RXFP2: variants seen among roughly 807,000 people sequenced by gnomAD.
The protein encoded by RXFP2 is relaxin receptor 2.
Under a neutral mutation model 88.6 loss-of-function variants are expected in RXFP2, and 68 were observed. The ratio of observed to expected loss-of-function variants is 0.77; its 90% CI spans 0.63 to 0.94. The LOEUF (loss-of-function observed/expected upper bound fraction) is 0.94. Ranked by LOEUF, RXFP2 falls within the 40% of genes least tolerant of loss-of-function variation. The pLI, the probability that RXFP2 is intolerant of heterozygous loss-of-function variation, is 0.00. For missense variants in RXFP2, 791 were observed against 893.9 expected, an observed-to-expected ratio of 0.88 and a Z score of 1.47; for synonymous variants, 329 against 306.8, an observed-to-expected ratio of 1.07 and a Z score of -0.76.
At chr13:31,766,827 A>C (rs144437244) in intron 5 of RXFP2, among the ~76,000 whole-genome samples, 16 of 152,342 alleles carry the variant, frequency 1.1e-4, no homozygotes, top group African/African-American at 3.8e-4. Context: ...ATTCACATTA[A>C]TAAATGGAGA....
In RXFP2 at chr13:31,791,969, A is replaced by G; in HGVS notation, c.1309A>G (p.Ile437Val). ...FITCFGNLFVIGMRSFIKAEN... is the reference protein window; with the variant it reads ...FITCFGNLFVVGMRSFIKAEN... Reference sequence around the variant, plus strand: ...TACCTGCTTTGGAAATCTTTTTGTCATTGGCATGAGATCTTTCATTAAAGC... The same window carrying G: ...TACCTGCTTTGGAAATCTTTTTGTCGTTGGCATGAGATCTTTCATTAAAGC... Residue 437 changes from isoleucine (I) to valine (V), a missense_variant, in exon 15 of 18, where the codon ATT (isoleucine) becomes GTT (valine). Physicochemically the swap from Ile to Val is conservative, Grantham distance 29 (BLOSUM62 3). Transcript: ENST00000298386. The G allele has an allele frequency of 6.2e-7, 1 of 1,614,130 alleles. No individual in the cohort carries two copies. Among genetic ancestry groups the G allele is most frequent in the Non-Finnish European group, 8.5e-7 (1 of 1,179,990 alleles).
intron 4 of RXFP2, 137 bp downstream of exon 4, chr13:31,765,279 C>T: frequency 1.5e-6 from 1 of 657,516 alleles, no homozygotes; most frequent in Non-Finnish European, 2.8e-6. Flanking sequence ...GAGAATTCTC[C>T]ATGCTTCCTA....
At chr13:31,764,951 AAAG>A in intron 3 of RXFP2, 83 bp from the exon 4 acceptor site, 1 of 769,340 alleles carries the variant, frequency 1.3e-6, no homozygotes, top group Admixed American at 1.8e-5. Context: ...CATTCGATGA[AAAG>A]AAAACAATAT....
At chr13:31,793,433 T>C (rs192103269) in intron 16 of RXFP2, among the ~76,000 whole-genome samples, 2 of 145,320 alleles carry the variant, frequency 1.4e-5, no homozygotes, top group African/African-American at 5.0e-5. Flanking sequence ...TTTAAACTCT[T>C]TTTTTTTTTT....
intron 14 of RXFP2, among the ~76,000 whole-genome samples, chr13:31,790,726 G>A (rs1873751628): frequency 6.6e-6 from 1 of 152,222 alleles, no homozygotes; most frequent in South Asian, 2.1e-4. Flanking sequence ...AGGGATAGAA[G>A]GAGGATTGAG....
intron 7 of RXFP2, among the ~76,000 whole-genome samples, chr13:31,776,069 T>TTTCTTTCTTTCTTTCCTTCC (rs1872933595): frequency 1.9e-5 from 2 of 106,914 alleles, no homozygotes; most frequent in African/African-American, 7.8e-5. Context: ...TTCTTCTTTC[T>TTTCTTTCTTTCTTTCCTTCC]TTCTTTCTTT....
In RXFP2 at chr13:31,760,839, A is replaced by T. The variant is rs7329552; in HGVS notation, c.242-885A>T. Among the ~76,000 whole-genome samples, 583 of 152,318 alleles carry T rather than the reference A, an allele frequency of 3.8e-3. 4 individuals are homozygous for T. The highest frequency in any genetic ancestry group is 0.014 in the African/African-American group (570 of 41,576). ...ACTTCACAATTAGGCCTCCTTTTTT[A>T]AAAATATGATTTACCAAAAGGAAGA... is the stretch of plus-strand genomic sequence containing the variant. On this transcript the variant is annotated intron_variant, in intron 2 of 17. Coordinates refer to ENST00000298386, the MANE Select transcript of RXFP2 (RefSeq NM_130806.5).
chr13:31,789,311 G>T, intron 14 of RXFP2, 118 bp downstream of exon 14: 1 of 745,444 alleles, frequency 1.3e-6, no homozygotes, highest in Non-Finnish European at 2.4e-6. Context: ...ATTTTATTGA[G>T]AACTTTTTAA....
chr13:31,755,028 T>C (rs1382963084), intron 1 of RXFP2, among the ~76,000 whole-genome samples: 3 of 152,218 alleles, frequency 2.0e-5, no homozygotes, highest in Non-Finnish European at 2.9e-5. Flanking sequence ...CACCACTTCA[T>C]AAGCATCAGC....
chr13:31,744,035 C>T (rs567837525), intron 1 of RXFP2, among the ~76,000 whole-genome samples: 25 of 152,320 alleles, frequency 1.6e-4, no homozygotes, highest in African/African-American at 5.1e-4. Context: ...CCAGGGGCTT[C>T]CTGGATCTTC....
Position 31,739,805 on chromosome 13 carries a change from A to T in RXFP2, c.94+99A>T, listed in dbSNP as rs550833985. 273 of 658,932 alleles carry T rather than the reference A, an allele frequency of 4.1e-4. 1 individual carries two copies. The highest frequency in any genetic ancestry group is 1.9e-3 in the Middle Eastern group (5 of 2,642). The allele number at this position is 658,932 out of a possible 1,614,324, so 40.8% of individuals were successfully genotyped here. ...TTGTAATAAATATATTGGGGTGTTT[A>T]AAAAAAAAACAGACATCAAATTTGC... is the stretch of plus-strand genomic sequence containing the variant. On this transcript the variant is annotated intron_variant, in intron 1 of 17. Transcript: ENST00000298386.
intron 1 of RXFP2, among the ~76,000 whole-genome samples, chr13:31,744,452 A>C (rs1038961099): frequency 6.6e-6 from 1 of 152,220 alleles, no homozygotes; most frequent in African/African-American, 2.4e-5. Context: ...TTAACTTTCT[A>C]AAATTCTAAA....
intron 1 of RXFP2, among the ~76,000 whole-genome samples, chr13:31,756,421 G>C (rs962851563): frequency 6.6e-6 from 1 of 152,126 alleles, no homozygotes; most frequent in South Asian, 2.1e-4. Context: ...ACTGAAGTTT[G>C]TTCCTTATCC....
At chr13:31,798,252 A>G (rs1238058770) in intron 17 of RXFP2, among the ~76,000 whole-genome samples, 1 of 152,190 alleles carries the variant, frequency 6.6e-6, no homozygotes, top group Non-Finnish European at 1.5e-5. Context: ...CCTCCTGTGC[A>G]CTCAGTTGTG....
chr13:31,750,637 A>C (rs1566213791), intron 1 of RXFP2, among the ~76,000 whole-genome samples: 1 of 152,188 alleles, frequency 6.6e-6, no homozygotes, highest in East Asian at 1.9e-4. Flanking sequence ...AATTTTTAGA[A>C]AATATGGAGG....
chr13:31,758,773 C>T (rs565124492), intron 2 of RXFP2, among the ~76,000 whole-genome samples: 1 of 152,214 alleles, frequency 6.6e-6, no homozygotes, highest in East Asian at 1.9e-4. Context: ...AGTGGCGGCT[C>T]ATGCCTATAA....
intron 9 of RXFP2, among the ~76,000 whole-genome samples, chr13:31,781,453 G>A (rs977831152): frequency 2.0e-5 from 3 of 152,026 alleles, no homozygotes; most frequent in Admixed American, 6.6e-5. Flanking sequence ...AAAGACGCTC[G>A]CTAAAAGTTA....
intron 1 of RXFP2, among the ~76,000 whole-genome samples, chr13:31,740,652 C>A (rs1429019121): frequency 6.6e-6 from 1 of 151,858 alleles, no homozygotes; most frequent in Non-Finnish European, 1.5e-5. Flanking sequence ...AAACTTCTAA[C>A]AAACAAAAGA....
intron 16 of RXFP2, among the ~76,000 whole-genome samples, chr13:31,793,477 T>C (rs1460229338): frequency 6.6e-6 from 1 of 150,914 alleles, no homozygotes; most frequent in African/African-American, 2.4e-5. Flanking sequence ...TAAATAATAA[T>C]AAAACTCAGG....
Sources: gnomAD v4.1 joint callset for allele counts (sites outside exome capture counted in the v4.1 genomes callset) on GRCh38, gnomAD v4.1.1 for gene constraint, MANE v1.5 for transcripts, NCBI Gene and HGNC (gene_info 2026-07-23, HGNC 2026-07-21) for gene names.